The following RGS6 variants were observed in gnomAD, a reference collection of about 807,000 sequenced individuals.
RGS6 encodes regulator of G protein signaling 6.
RGS6 carries 30 observed loss-of-function variants against 78.5 expected under a neutral mutation model. That is an observed-to-expected ratio of 0.38 (90% CI 0.29 to 0.52). The LOEUF is 0.52. RGS6 is among the 20% of genes least tolerant of loss of function. RGS6 has a pLI of 0.85. For synonymous variants in RGS6, 206 were observed against 206.0 expected (o/e 1.00, Z 0.00); for missense variants, 495 against 609.7 (o/e 0.81, Z 1.98).
the RGS6 span, among the ~76,000 whole-genome samples, chr14:71,890,036 C>G: frequency 2.0e-5 from 3 of 152,158 alleles, no homozygotes; most frequent in Admixed American, 6.5e-5. Context: ...TGATTGGAAG[C>G]TCTCTGAGGC....
chr14:72,451,385 A>G (rs974106803), intron 3 of RGS6, among the ~76,000 whole-genome samples: 8 of 152,174 alleles, frequency 5.3e-5, no homozygotes, highest in African/African-American at 1.9e-4. Context: ...TAGCTCTGTA[A>G]ATGCAAACCA....
chr14:71,887,580 A>T, the RGS6 span, among the ~76,000 whole-genome samples: 1 of 152,154 alleles, frequency 6.6e-6, no homozygotes, highest in African/African-American at 2.4e-5. Flanking sequence ...TGCAGTTGAG[A>T]TAAGGACTGA....
intron 2 of RGS6, among the ~76,000 whole-genome samples, chr14:72,089,391 T>C (rs1048286127): frequency 1.3e-5 from 2 of 152,346 alleles, no homozygotes; most frequent in East Asian, 3.9e-4. Flanking sequence ...AGTGTACATT[T>C]CAGTGAATAT....
the RGS6 span, among the ~76,000 whole-genome samples, chr14:71,899,567 C>G: frequency 6.6e-6 from 1 of 152,138 alleles, no homozygotes; most frequent in Non-Finnish European, 1.5e-5. Context: ...TTTCATTTTG[C>G]CTTGCTGAAG....
the RGS6 span, among the ~76,000 whole-genome samples, chr14:72,576,799 G>A: frequency 6.6e-6 from 1 of 152,136 alleles, no homozygotes; most frequent in East Asian, 1.9e-4. Context: ...ACTATATCTT[G>A]GCAAGAATTG....
the RGS6 span, among the ~76,000 whole-genome samples, chr14:71,890,061 A>G: frequency 1.3e-5 from 2 of 152,126 alleles, no homozygotes; most frequent in African/African-American, 4.8e-5. Context: ...CCAGAAGTGG[A>G]TGCCACCATT....
intron 3 of RGS6, among the ~76,000 whole-genome samples, chr14:72,420,164 A>G (rs1372168360): frequency 2.6e-5 from 4 of 152,186 alleles, no homozygotes; most frequent in Non-Finnish European, 4.4e-5. Context: ...CTTGCCTCCA[A>G]TTTTCTTTGC....
intron 17 of RGS6, among the ~76,000 whole-genome samples, chr14:72,553,120 G>A (rs562858037): frequency 2.1e-4 from 32 of 152,326 alleles, no homozygotes; most frequent in Non-Finnish European, 3.7e-4. Context: ...AGTGTATGGT[G>A]TGCATATAAC....
Position 72,550,466 on chromosome 14 carries a change from C to T in RGS6, c.1422+10372C>T, listed in dbSNP as rs1263611476. The stretch of plus-strand genomic sequence containing the variant: ...CCCGTGCCTAACAGGAAAAGACAGA[C>T]TGTCAAGCAAGGACCGAAAGCCTGG... On this transcript the variant is annotated intron_variant, in intron 17 of 17. Transcript: ENST00000553525. The T allele has an allele frequency of 2.0e-6, 3 of 1,535,618 alleles. No homozygotes were observed. The Admixed American group carries it at 5.9e-5, about 30-fold the overall frequency.
chr14:72,035,015 AC>A (rs1341159281), intron 2 of RGS6, among the ~76,000 whole-genome samples: 4 of 152,226 alleles, frequency 2.6e-5, no homozygotes, highest in African/African-American at 9.6e-5. Flanking sequence ...ATTTCATCCC[AC>A]CCAGAACTTA....
At chr14:72,328,861 CTTATT>C (rs983249694) in intron 2 of RGS6, among the ~76,000 whole-genome samples, 4 of 152,210 alleles carry the variant, frequency 2.6e-5, no homozygotes, top group African/African-American at 9.6e-5. Context: ...TATACTATTT[CTTATT>C]TTATTTTATT....
chr14:72,271,769 G>A (rs1372034970), intron 2 of RGS6, among the ~76,000 whole-genome samples: 1 of 152,184 alleles, frequency 6.6e-6, no homozygotes, highest in East Asian at 1.9e-4. Context: ...AGCAAGGGGT[G>A]ACAGGCTGCA....
In RGS6 at chr14:72,459,649, T is replaced by C; in HGVS notation, c.360T>C (p.Pro120=). Reference sequence around the variant, plus strand: ...CTTTGCAGGCTCCGTACTTCTGGCCTTCGAACTGCTGGGAACCTGAAAACA... The same window carrying C: ...CTTTGCAGGCTCCGTACTTCTGGCCCTCGAACTGCTGGGAACCTGAAAACA... ...FYRFQAPYFW[P]SNCWEPENTD... is the part of the protein sequence containing the mutation. Residue 120 remains proline, a synonymous_variant, in exon 6 of 18, where the codon CCT becomes CCC. Transcript: ENST00000553525. 5.0e-6 allele frequency: 8 copies of C among 1,614,134 alleles called. No homozygotes were observed. The highest frequency in any genetic ancestry group is 6.8e-6 in the Non-Finnish European group (8 of 1,180,024).
intron 17 of RGS6, chr14:72,540,408 G>T: frequency 1.4e-6 from 2 of 1,462,484 alleles, no homozygotes; most frequent in Non-Finnish European, 9.0e-7. Context: ...GGGCTGTGCG[G>T]TTTGTGCATC....
At chr14:72,500,816 G>C (rs2096714172) in intron 13 of RGS6, among the ~76,000 whole-genome samples, 1 of 152,184 alleles carries the variant, frequency 6.6e-6, no homozygotes, top group Non-Finnish European at 1.5e-5. Flanking sequence ...AGAAGCCAGA[G>C]GCCAACAAAA....
chr14:72,591,653 C>G, the RGS6 span, among the ~76,000 whole-genome samples: 5 of 152,200 alleles, frequency 3.3e-5, no homozygotes, highest in Non-Finnish European at 7.3e-5. Flanking sequence ...TTACCTGGTG[C>G]CTACTGTGTC....
chr14:72,450,619 GTTGTT>G (rs1470840063), intron 3 of RGS6, among the ~76,000 whole-genome samples: 2 of 152,198 alleles, frequency 1.3e-5, no homozygotes, highest in Non-Finnish European at 2.9e-5. Flanking sequence ...CATTTGTTAT[GTTGTT>G]TTATTAACTT....
chr14:72,158,142 T>C (rs916866800), intron 2 of RGS6, among the ~76,000 whole-genome samples: 6 of 152,158 alleles, frequency 3.9e-5, no homozygotes, highest in African/African-American at 1.4e-4. Context: ...TATTTTCTCA[T>C]AGTTCTGTAG....
intron 17 of RGS6, chr14:72,550,329 GGGAAGGCA>G (rs2097486041): frequency 5.4e-6 from 4 of 742,576 alleles, no homozygotes; most frequent in Non-Finnish European, 4.7e-6. Context: ...GTGGGGGAGA[GGGAAGGCA>G]GGGAGGCAGA....
Sources: allele counts gnomAD v4.1 joint callset (sites outside exome capture counted in the v4.1 genomes callset), GRCh38; gene constraint gnomAD v4.1.1; transcripts MANE v1.5; gene names NCBI Gene and HGNC (gene_info 2026-07-23, HGNC 2026-07-21).